Variants in UNC13C observed in about 807,000 individuals in gnomAD.
UNC13C encodes the protein protein unc-13 homolog C.
A neutral mutation model predicts 245.4 loss-of-function variants in UNC13C; 174 were observed. The observed-to-expected ratio is 0.71, with a 90% CI of 0.63 to 0.80. UNC13C has a LOEUF of 0.80. Ranked by LOEUF, UNC13C falls within the 30% of genes least tolerant of loss-of-function variation. The pLI, the probability that UNC13C is intolerant of heterozygous loss-of-function variation, is 0.00. For missense variants in UNC13C, 2,829 were observed against 2,602.9 expected (o/e 1.09, Z -1.89); for synonymous variants, 992 against 895.1 (o/e 1.11, Z -1.93).
intron 2 of UNC13C, among the ~76,000 whole-genome samples, chr15:54,076,849 G>T (rs1898654989): frequency 6.6e-6 from 1 of 152,244 alleles, no homozygotes; most frequent in East Asian, 1.9e-4. Context: ...ATTTCTATTT[G>T]CTTTCTTTCC....
chr15:54,159,145 T>A (rs765656270), intron 4 of UNC13C, among the ~76,000 whole-genome samples: 9 of 152,234 alleles, frequency 5.9e-5, no homozygotes, highest in Non-Finnish European at 8.8e-5. Flanking sequence ...AACATCTCCC[T>A]GCTGGCAATG....
intron 2 of UNC13C, among the ~76,000 whole-genome samples, chr15:54,068,885 A>G (rs1047447322): frequency 3.9e-5 from 6 of 152,160 alleles, no homozygotes; most frequent in African/African-American, 1.2e-4. Flanking sequence ...CACCGTGCAC[A>G]GGGCATTATA....
At chr15:54,334,388 C>T (rs1019424052) in intron 16 of UNC13C, among the ~76,000 whole-genome samples, 10 of 152,014 alleles carry the variant, frequency 6.6e-5, no homozygotes, top group African/African-American at 7.2e-5. Flanking sequence ...GCTTTAATTG[C>T]GAGTTTTCGG....
At chr15:54,465,569 A>G (rs976895602) in intron 19 of UNC13C, among the ~76,000 whole-genome samples, 2 of 152,076 alleles carry the variant, frequency 1.3e-5, no homozygotes, top group South Asian at 2.1e-4. Context: ...TTGAAGCTAC[A>G]TTTAAGTAAA....
At chr15:54,070,753 T>G (rs1898284617) in intron 2 of UNC13C, among the ~76,000 whole-genome samples, 1 of 152,136 alleles carries the variant, frequency 6.6e-6, no homozygotes, top group Non-Finnish European at 1.5e-5. Context: ...TTCATCTACA[T>G]TTCTCATGTG....
the UNC13C span, among the ~76,000 whole-genome samples, chr15:53,887,147 T>A: frequency 3.8e-3 from 574 of 152,298 alleles, 2 homozygotes; most frequent in Non-Finnish European, 6.4e-3. Flanking sequence ...AAATGTGCCA[T>A]ACTAATCTAA....
At chr15:54,620,006 C>G (rs1321335323) in intron 30 of UNC13C, among the ~76,000 whole-genome samples, 1 of 140,606 alleles carries the variant, frequency 7.1e-6, no homozygotes, top group African/African-American at 2.5e-5. Context: ...TTGTTTCTAA[C>G]CCACAATTGT....
intron 8 of UNC13C, among the ~76,000 whole-genome samples, chr15:54,258,396 C>G (rs118145928): frequency 6.6e-6 from 1 of 152,270 alleles, no homozygotes; most frequent in African/African-American, 2.4e-5. Flanking sequence ...CAAAGTCCCA[C>G]TCTGTCTCCC....
intron 21 of UNC13C, 133 bp from the exon 22 acceptor site, chr15:54,500,702 G>A (rs1894168294): frequency 2.9e-6 from 2 of 698,048 alleles, no homozygotes; most frequent in African/African-American, 3.6e-5. Flanking sequence ...ATTTTAAAGT[G>A]GGTAAGCATT....
At chr15:53,838,117 A>T in the UNC13C span, among the ~76,000 whole-genome samples, 1 of 152,112 alleles carries the variant, frequency 6.6e-6, no homozygotes, top group Non-Finnish European at 1.5e-5. Flanking sequence ...TTTCCATGAA[A>T]ATATCTTGTT....
chr15:54,455,205 C>CTCTCTCTCTCTCTATATATATA (rs1388065398), intron 19 of UNC13C, among the ~76,000 whole-genome samples: 2 of 18,960 alleles, frequency 1.1e-4, no homozygotes, highest in African/African-American at 1.9e-4. Flanking sequence ...CTCTCTCTCT[C>CTCTCTCTCTCTCTATATATATA]TATATATATA....
intron 8 of UNC13C, among the ~76,000 whole-genome samples, chr15:54,254,859 C>G (rs949279784): frequency 6.6e-6 from 1 of 152,138 alleles, no homozygotes; most frequent in African/African-American, 2.4e-5. Context: ...TAGGGTACCC[C>G]TGAATTTGAG....
rs557952479 is a variant in UNC13C at position 54,355,578 on chromosome 15, G to A, written c.4713+17089G>A. ...TCACCATGTTGGCCAGGCTGGTCTC[G>A]AGCTCCTGACCTCAAGTGATGCTCC... On this transcript the variant is annotated intron_variant, in intron 17 of 32. Transcript: ENST00000260323. Among the ~76,000 whole-genome samples the A allele has an allele frequency of 1.2e-3, 178 of 152,036 alleles. 3 individuals are homozygous for A. Among genetic ancestry groups the A allele is most frequent in the Non-Finnish European group, 7.5e-4 (51 of 67,954 alleles).
the UNC13C span, among the ~76,000 whole-genome samples, chr15:53,933,938 T>C: frequency 6.6e-6 from 1 of 152,194 alleles, no homozygotes; most frequent in Non-Finnish European, 1.5e-5. Flanking sequence ...GAGTTTTAAT[T>C]GGCTCATGGT....
chr15:54,525,428 GA>G (rs1895406660), intron 24 of UNC13C, 120 bp from the exon 25 acceptor site: 1 of 433,838 alleles, frequency 2.3e-6, no homozygotes, highest in Non-Finnish European at 3.8e-6. Context: ...AAAAAAAAAA[GA>G]AGAGAAAAAA....
In UNC13C at chr15:54,296,375, T is replaced by A. The variant is rs550651192; in HGVS notation, c.3989-1436T>A. ...GCAACCACGGCCGGCTAATTTTTTTTTTTTTTTATTTTTTTTTATTTTTTA... is the reference window on the plus strand; with the variant it reads ...GCAACCACGGCCGGCTAATTTTTTTATTTTTTTATTTTTTTTTATTTTTTA... On this transcript the variant is annotated intron_variant, in intron 11 of 32. Transcript: ENST00000260323. Among the ~76,000 whole-genome samples, 110 of 101,456 alleles carry A rather than the reference T, an allele frequency of 1.1e-3. 1 individual carries two copies. Among genetic ancestry groups the A allele is most frequent in the Middle Eastern group, 4.1e-3 (1 of 242 alleles). 66.6% of individuals were successfully genotyped at this position (101,456 alleles called of 152,430 possible).
intron 2 of UNC13C, among the ~76,000 whole-genome samples, chr15:54,035,545 A>C (rs781495168): frequency 6.6e-6 from 1 of 152,120 alleles, no homozygotes; most frequent in Non-Finnish European, 1.5e-5. Context: ...TCTAAATTTC[A>C]CTGGCCTTCT....
chr15:54,359,541 C>T (rs1343433070), intron 17 of UNC13C, among the ~76,000 whole-genome samples: 2 of 151,902 alleles, frequency 1.3e-5, no homozygotes, highest in East Asian at 3.9e-4. Context: ...TGTTCAGGTT[C>T]TCTATTTCTT....
At chr15:54,589,621 G>C (rs1271994656) in intron 30 of UNC13C, among the ~76,000 whole-genome samples, 2 of 151,838 alleles carry the variant, frequency 1.3e-5, no homozygotes, top group Non-Finnish European at 2.9e-5. Context: ...CTTCTTTTGA[G>C]AATTGTCTAG....
Sources: allele counts gnomAD v4.1 joint callset (sites outside exome capture counted in the v4.1 genomes callset), GRCh38; gene constraint gnomAD v4.1.1; transcripts MANE v1.5; gene names NCBI Gene and HGNC (gene_info 2026-07-23, HGNC 2026-07-21).